CFAP54: variants seen among roughly 807,000 people sequenced by gnomAD.
CFAP54 encodes the protein cilia and flagella associated protein 54.
A neutral mutation model predicts 370.4 loss-of-function variants in CFAP54; 290 were observed. The observed-to-expected ratio is 0.78, with a 90% CI of 0.71 to 0.86. The LOEUF (loss-of-function observed/expected upper bound fraction) is 0.86, where lower values mean the gene tolerates loss of function less well. CFAP54 is among the 40% of genes least tolerant of loss of function. CFAP54 has a pLI of 0.00. For missense variants in CFAP54, 3,399 were observed against 3,528.7 expected, an observed-to-expected ratio of 0.96 and a Z score of 0.93; for synonymous variants, 1,206 against 1,236.5, an observed-to-expected ratio of 0.98 and a Z score of 0.52.
In CFAP54 at chr12:96,576,664, A is replaced by T; in HGVS notation, c.2699A>T (p.Lys900Ile). The change falls in exon 20 of 68, where the codon AAA becomes ATA. Residue 900 changes from lysine to isoleucine, a missense_variant. By Grantham distance (102) the Lys-to-Ile change is moderately radical. Transcript: ENST00000524981. The part of the protein sequence containing the change: ...YSYQKYLESS[K>I]RKKSRVPPPP... ...TATCAGAAATATTTGGAAAGTTCAA[A>T]AAGAAAGAAAAGCAGAGTCCCCCCT... is the stretch of plus-strand genomic sequence containing the variant. 1 of 1,535,722 alleles carries T rather than the reference A, an allele frequency of 6.5e-7. No individual in the cohort carries two copies. Among genetic ancestry groups the T allele is most frequent in the Non-Finnish European group, 8.7e-7 (1 of 1,146,600 alleles).
At chr12:96,622,125 G>A (rs1956503191) in intron 27 of CFAP54, among the ~76,000 whole-genome samples, 1 of 151,696 alleles carries the variant, frequency 6.6e-6, no homozygotes, top group Admixed American at 6.6e-5. Context: ...TTTACTTTGT[G>A]TTCAAAGTAG....
intron 66 of CFAP54, among the ~76,000 whole-genome samples, chr12:96,858,820 A>G (rs1184848936): frequency 1.3e-5 from 2 of 152,220 alleles, no homozygotes; most frequent in African/African-American, 4.8e-5. Flanking sequence ...CATACTGTCC[A>G]GAGCAATTTA....
chr12:96,627,054 C>T (rs1956556579), intron 30 of CFAP54, 115 bp downstream of exon 30: 1 of 638,144 alleles, frequency 1.6e-6, no homozygotes, highest in Non-Finnish European at 2.2e-6. Context: ...ACAGTTAAAA[C>T]CACTGCCTAA....
intron 8 of CFAP54, among the ~76,000 whole-genome samples, chr12:96,524,513 G>A (rs1955353520): frequency 6.6e-6 from 1 of 152,164 alleles, no homozygotes; most frequent in African/African-American, 2.4e-5. Context: ...CAAGTATAGT[G>A]GAATATAGAA....
intron 50 of CFAP54, among the ~76,000 whole-genome samples, chr12:96,726,952 G>T (rs1957848543): frequency 6.6e-6 from 1 of 152,306 alleles, no homozygotes; most frequent in Non-Finnish European, 1.5e-5. Context: ...TCATTCAGGA[G>T]CACGTTGTTC....
rs114703614 is a variant in CFAP54, at chr12:96,623,394, A to G, written c.3772-373A>G. Among the ~76,000 whole-genome samples the G allele has an allele frequency of 4.7e-3, 715 of 152,196 alleles. 4 individuals are homozygous for G. Among genetic ancestry groups the G allele is most frequent in the African/African-American group, 0.016 (678 of 41,560 alleles). On this transcript the variant is annotated intron_variant, in intron 27 of 67. Coordinates refer to ENST00000524981, the MANE Select transcript of CFAP54 (RefSeq NM_001306084.2). The stretch of plus-strand genomic sequence containing the variant: ...CTTCTGGGAAAAAGAAAGGGAAAAA[A>G]GAATAAAGGGATACATTTCTGAGGG...
chr12:96,577,446 C>G (rs1955989610), intron 20 of CFAP54, among the ~76,000 whole-genome samples: 1 of 152,228 alleles, frequency 6.6e-6, no homozygotes, highest in East Asian at 1.9e-4. Flanking sequence ...CAACAACATG[C>G]TCTTTGATGT....
chr12:96,668,545 G>A (rs1424135873), intron 39 of CFAP54, among the ~76,000 whole-genome samples: 1 of 152,120 alleles, frequency 6.6e-6, no homozygotes, highest in Non-Finnish European at 1.5e-5. Flanking sequence ...AACAGCAGGG[G>A]AAAAACCAAC....
At chr12:96,767,261 T>C (rs913512706) in intron 60 of CFAP54, among the ~76,000 whole-genome samples, 5 of 152,144 alleles carry the variant, frequency 3.3e-5, no homozygotes, top group Admixed American at 2.6e-4. Flanking sequence ...CTCTGTATGA[T>C]TCAGAGGAAA....
chr12:96,606,182 A>G (rs956931668), intron 26 of CFAP54, among the ~76,000 whole-genome samples: 7 of 152,248 alleles, frequency 4.6e-5, no homozygotes, highest in African/African-American at 1.4e-4. Context: ...ATGACCCTGT[A>G]GCAAGAGGAA....
intron 40 of CFAP54, chr12:96,682,415 T>G: frequency 1.8e-6 from 1 of 565,500 alleles, no homozygotes; most frequent in Non-Finnish European, 2.2e-6. Context: ...TCATCCAGGC[T>G]GGAGTGCAGT....
intron 32 of CFAP54, among the ~76,000 whole-genome samples, chr12:96,632,301 T>G (rs1488767422): frequency 1.3e-5 from 2 of 151,994 alleles, no homozygotes. Flanking sequence ...CTTAATGGAG[T>G]CAAATATATC....
chr12:96,608,306 T>TAC (rs1395969790), intron 26 of CFAP54, among the ~76,000 whole-genome samples: 52 of 45,032 alleles, frequency 1.2e-3, no homozygotes, highest in Middle Eastern at 9.1e-3. Flanking sequence ...TGCATATATA[T>TAC]ATACACACAC....
chr12:96,796,505 G>C (rs901859311), intron 63 of CFAP54, among the ~76,000 whole-genome samples: 1 of 152,048 alleles, frequency 6.6e-6, no homozygotes, highest in Admixed American at 6.6e-5. Context: ...CTGAGAAATA[G>C]CGATATCATT....
chr12:96,542,828 A>G (rs565436830), intron 14 of CFAP54, among the ~76,000 whole-genome samples: 1 of 152,194 alleles, frequency 6.6e-6, no homozygotes, highest in Non-Finnish European at 1.5e-5. Flanking sequence ...AACAAGGCCC[A>G]CACATTGTAT....
intron 60 of CFAP54, among the ~76,000 whole-genome samples, chr12:96,778,601 C>T (rs1199464292): frequency 1.3e-5 from 2 of 152,106 alleles, no homozygotes; most frequent in East Asian, 3.9e-4. Flanking sequence ...TTATTCCACA[C>T]ATTTTGTGGC....
intron 67 of CFAP54, among the ~76,000 whole-genome samples, chr12:96,861,320 G>A (rs1426885801): frequency 6.6e-6 from 1 of 152,176 alleles, no homozygotes; most frequent in Non-Finnish European, 1.5e-5. Context: ...GTCTGGAGAC[G>A]TATTTGGTTG....
intron 32 of CFAP54, among the ~76,000 whole-genome samples, chr12:96,642,085 A>G (rs1392352597): frequency 7.0e-6 from 1 of 143,674 alleles, no homozygotes. Flanking sequence ...TAAAAAAAAG[A>G]AAAGAATGGT....
Position 96,658,232 on chromosome 12 carries a change from G to T in CFAP54, c.5346G>T (p.Val1782=), listed in dbSNP as rs1291070426. The T allele has an allele frequency of 6.2e-7, 1 of 1,613,940 alleles. No individual in the cohort carries two copies. The highest frequency in any genetic ancestry group is 1.7e-5 in the Admixed American group (1 of 60,004). ...TVSHERYTEQ[V]TPLLVYAQRQ... ...CTAGTGAGAGGTATACAGAACAAGT[G>T]ACACCACTTCTGGTGTATGCACAGC... Residue 1782 remains valine, a synonymous_variant, in exon 38 of 68, where the codon GTG becomes GTT. Coordinates refer to ENST00000524981, the MANE Select transcript of CFAP54 (RefSeq NM_001306084.2).
Sources: allele counts gnomAD v4.1 joint callset (sites outside exome capture counted in the v4.1 genomes callset), GRCh38; gene constraint gnomAD v4.1.1; transcripts MANE v1.5; gene names NCBI Gene and HGNC (gene_info 2026-07-23, HGNC 2026-07-21).